The following CWC15 variants were observed in gnomAD, a reference collection of about 807,000 sequenced individuals.
The protein encoded by CWC15 is CWC15 spliceosome associated protein, also known as spliceosome-associated protein CWC15 homolog.
Under a neutral mutation model 28.4 loss-of-function variants are expected in CWC15, and 12 were observed. The observed-to-expected ratio is 0.42, with a 90% CI of 0.27 to 0.69. The LOEUF is 0.69. Among genes scored for constraint, CWC15 ranks in the 30% least tolerant of loss-of-function variants. The pLI is 0.23. For missense variants in CWC15, 192 were observed against 271.5 expected (o/e 0.71, Z 2.06); for synonymous variants, 92 against 88.4 (o/e 1.04, Z -0.23).
intron 6 of CWC15, among the ~76,000 whole-genome samples, chr11:94,965,278 G>C (rs1753494822): frequency 6.6e-6 from 1 of 152,240 alleles, no homozygotes; most frequent in African/African-American, 2.4e-5. Flanking sequence ...TAAAAATTAA[G>C]CACTGTGGTT....
At chr11:94,968,281 G>A (rs901039602) in intron 5 of CWC15, among the ~76,000 whole-genome samples, 1 of 152,180 alleles carries the variant, frequency 6.6e-6, no homozygotes, top group Admixed American at 6.5e-5. Context: ...TACAGAAAGG[G>A]TGCTGACCCC....
chr11:94,972,030 C>A, intron 2 of CWC15, 25 bp downstream of exon 2: 1 of 1,599,214 alleles, frequency 6.3e-7, no homozygotes, highest in Non-Finnish European at 8.5e-7. Flanking sequence ...GTTTTGTGAA[C>A]AATAAAAAAA....
At chr11:94,963,823 A>C (rs997595728) in intron 6 of CWC15, among the ~76,000 whole-genome samples, 4 of 152,212 alleles carry the variant, frequency 2.6e-5, no homozygotes, top group African/African-American at 4.8e-5. Flanking sequence ...TTTTAGGTCT[A>C]ATAGAAAGAA....
chr11:94,969,024 T>C (rs1857683124), intron 5 of CWC15, among the ~76,000 whole-genome samples: 1 of 152,226 alleles, frequency 6.6e-6, no homozygotes, highest in South Asian at 2.1e-4. Flanking sequence ...TCTGCCTAAA[T>C]ATGGCAATTC....
chr11:94,970,596 T>G (rs1192992623), intron 4 of CWC15: 1 of 205,218 alleles, frequency 4.9e-6, no homozygotes, highest in Non-Finnish European at 1.0e-5. Flanking sequence ...GGGACATATC[T>G]AATATGGAAA....
chr11:94,970,630 G>A, intron 4 of CWC15: 2 of 252,192 alleles, frequency 7.9e-6, no homozygotes, highest in South Asian at 5.3e-5. Flanking sequence ...AACTCTAGAG[G>A]GCACTGTTTA....
rs149342141 is a variant in CWC15 at position 94,973,047 on chromosome 11, TG to T, written c.-9+450del. Among the ~76,000 whole-genome samples, 266 of 103,272 alleles carry T rather than the reference TG, an allele frequency of 2.6e-3. 1 individual carries two copies. Among genetic ancestry groups the T allele is most frequent in the Non-Finnish European group, 3.6e-3 (186 of 51,400 alleles). 67.8% of individuals were successfully genotyped at this position (103,272 alleles called of 152,430 possible). A position where few individuals can be genotyped will look rare whatever the true frequency, so the allele number is the denominator to read the frequency against. On this transcript the variant is annotated intron_variant, in intron 1 of 6. Transcript: ENST00000279839. The stretch of plus-strand genomic sequence containing the variant: ...GGGTGGGCGAATTGGGAGGATTTTT[TG>T]GGGGGGGGGCGATGCTAATTCTCTC...
chr11:94,965,215 C>T (rs1010086180), intron 6 of CWC15, among the ~76,000 whole-genome samples: 1 of 152,232 alleles, frequency 6.6e-6, no homozygotes, highest in Non-Finnish European at 1.5e-5. Context: ...TACTGCATCA[C>T]TCCAGATGGC....
chr11:94,971,162 G>C (rs1210219696), intron 3 of CWC15, 97 bp from the exon 4 acceptor site: 8 of 1,174,642 alleles, frequency 6.8e-6, no homozygotes, highest in Non-Finnish European at 8.9e-6. Context: ...CACATTAAAA[G>C]CATTATCCAC....
intron 2 of CWC15, among the ~76,000 whole-genome samples, 154 bp downstream of exon 2, chr11:94,971,901 T>C (rs187152384): frequency 1.3e-5 from 2 of 152,330 alleles, no homozygotes; most frequent in Admixed American, 6.5e-5. Context: ...CATTTTAAAA[T>C]CACAGCAGAA....
Position 94,971,433 on chromosome 11 carries a change from C to A in CWC15, c.186G>T (p.Glu62Asp), listed in dbSNP as rs782741809. Residue 62 changes from glutamate to aspartate, a missense_variant, in exon 3 of 7, where the codon GAG (glutamate) becomes GAT (aspartate). Glu to Asp is a conservative substitution (Grantham distance 45). Transcript: ENST00000279839. The stretch of plus-strand genomic sequence containing the variant: ...CAGCAGCTCTCTCTCTTTCTTCCAA[C>A]TCTCTCCTGAAGTCACGGTTACGAA... The part of the protein sequence containing the change: ...EEVRNRDFRR[E>D]LEERERAAAR... 2 of 1,612,938 alleles carry A rather than the reference C, an allele frequency of 1.2e-6. No homozygotes were observed. Among genetic ancestry groups the A allele is most frequent in the Admixed American group, 3.3e-5 (2 of 59,930 alleles).
chr11:94,966,261 A>ACACACACG, intron 6 of CWC15, 34 bp downstream of exon 6: 1 of 944,478 alleles, frequency 1.1e-6, no homozygotes, highest in Non-Finnish European at 1.6e-6. Context: ...ACACACACAC[A>ACACACACG]CACACACTCC....
At chr11:94,968,335 G>C (rs1555095622) in intron 5 of CWC15, among the ~76,000 whole-genome samples, 4 of 152,118 alleles carry the variant, frequency 2.6e-5, no homozygotes, top group Admixed American at 2.0e-4. Context: ...TTGGAACATG[G>C]CAAAAACCAG....
At chr11:94,967,320 C>A (rs1295573161) in intron 5 of CWC15, among the ~76,000 whole-genome samples, 1 of 152,150 alleles carries the variant, frequency 6.6e-6, no homozygotes, top group African/African-American at 2.4e-5. Flanking sequence ...GCCACCGTGC[C>A]CGGCCTCAGT....
Position 94,972,110 on chromosome 11 carries a change from G to A in CWC15, c.76C>T (p.Leu26Phe). 6.2e-7 allele frequency: 1 copy of A among 1,613,736 alleles called. No individual in the cohort carries two copies. The stretch of plus-strand genomic sequence containing the variant: ...TCTCTGCTTGAATACTGCTTTGAAA[G>A]TTGGCTCAAATCACCTTCTCCTTTT... ...RGKGEGDLSQLSKQYSSRDLP... is the reference protein window; with the variant it reads ...RGKGEGDLSQFSKQYSSRDLP... The change falls in exon 2 of 7, where the codon CTT becomes TTT. Residue 26 changes from leucine (L) to phenylalanine (F), a missense_variant. Leu to Phe is a conservative substitution (Grantham distance 22, BLOSUM62 0). This residue lies in a region of CWC15 where 188 missense variants were observed against 250.3 expected (regional missense o/e 0.75). Transcript: ENST00000279839.
In CWC15 at chr11:94,966,432, G is replaced by T; in HGVS notation, c.442-19C>A. 1.4e-6 allele frequency: 2 copies of T among 1,450,160 alleles called. No homozygotes were observed. Among genetic ancestry groups the T allele is most frequent in the Non-Finnish European group, 1.9e-6 (2 of 1,068,042 alleles). 89.8% of individuals were successfully genotyped at this position (1,450,160 alleles called of 1,614,324 possible). A position where few individuals can be genotyped will look rare whatever the true frequency, so the allele number is the denominator to read the frequency against. On this transcript the variant is annotated intron_variant, in intron 5 of 6. Transcript: ENST00000279839. ...CTTGTTCCTGTCAATGATAAAGGAA[G>T]ATTAACACTTACTTATTTTAACTCT...
At chr11:94,970,893 C>T (rs937616131) in intron 4 of CWC15, 84 bp downstream of exon 4, 7 of 1,132,722 alleles carry the variant, frequency 6.2e-6, no homozygotes, top group Admixed American at 1.7e-5. Context: ...ATATATGTCA[C>T]TTCTTAAAGC....
intron 5 of CWC15, among the ~76,000 whole-genome samples, chr11:94,967,689 AT>A (rs1460974029): frequency 6.6e-6 from 1 of 152,194 alleles, no homozygotes; most frequent in Non-Finnish European, 1.5e-5. Context: ...AATGAATTTC[AT>A]TTTTATGAAG....
intron 5 of CWC15, among the ~76,000 whole-genome samples, chr11:94,967,920 T>G (rs2134100703): frequency 6.6e-6 from 1 of 152,360 alleles, no homozygotes; most frequent in African/African-American, 2.4e-5. Context: ...GTATACCATA[T>G]ATCCAAACTT....
Sources: allele counts gnomAD v4.1 joint callset (sites outside exome capture counted in the v4.1 genomes callset), GRCh38; gene constraint gnomAD v4.1.1; regional missense constraint gnomAD v4.1.1; transcripts MANE v1.5; gene names NCBI Gene and HGNC (gene_info 2026-07-23, HGNC 2026-07-21).